PLCL1: variants seen among roughly 807,000 people sequenced by gnomAD.
The protein encoded by PLCL1 is phospholipase C like 1 (inactive), also known as inactive phospholipase C-like protein 1.
PLCL1 carries 41 observed loss-of-function variants against 84.4 expected under a neutral mutation model. That is an observed-to-expected ratio of 0.49 (90% CI 0.38 to 0.63). PLCL1 has a LOEUF of 0.63. PLCL1 is among the 30% of genes least tolerant of loss of function. The probability of loss-of-function intolerance (pLI) is 0.00; values close to 1 mark genes in which losing one functional copy is unlikely to be tolerated. For synonymous variants in PLCL1, 490 were observed against 488.3 expected, an observed-to-expected ratio of 1.00 and a Z score of -0.05; for missense variants, 1,206 against 1,367.8, an observed-to-expected ratio of 0.88 and a Z score of 1.87.
At chr2:198,106,948 T>G (rs894360881) in intron 5 of PLCL1, among the ~76,000 whole-genome samples, 1 of 152,016 alleles carries the variant, frequency 6.6e-6, no homozygotes, top group South Asian at 2.1e-4. Flanking sequence ...TCCACTACAC[T>G]GTTCTGCCTC....
chr2:198,015,808 C>T lies in PLCL1; in HGVS notation c.241-67950C>T, dbSNP rs189674595. Among the ~76,000 whole-genome samples, 6 of 152,078 alleles carry T rather than the reference C, an allele frequency of 3.9e-5. No individual in the cohort carries two copies. The East Asian group carries it at 9.7e-4, about 24-fold the overall frequency. ...ATATGTGTGATAAATGAAGTTGTTG[C>T]AGTATGTTTAAAACACTGGAGCCAA... On this transcript the variant is annotated intron_variant, in intron 1 of 5. Transcript: ENST00000428675.
chr2:198,028,155 A>C (rs1574257427), intron 1 of PLCL1, among the ~76,000 whole-genome samples: 1 of 152,164 alleles, frequency 6.6e-6, no homozygotes, highest in Non-Finnish European at 1.5e-5. Context: ...ACTTTGAATC[A>C]TTTTTACAGC....
chr2:197,954,247 G>A (rs930806925), intron 1 of PLCL1, among the ~76,000 whole-genome samples: 7 of 152,092 alleles, frequency 4.6e-5, no homozygotes, highest in South Asian at 2.1e-4. Context: ...GAAGTGAAAC[G>A]AAATGCAAGT....
chr2:198,054,340 T>G (rs1238521733), intron 1 of PLCL1, among the ~76,000 whole-genome samples: 1 of 152,228 alleles, frequency 6.6e-6, no homozygotes, highest in Non-Finnish European at 1.5e-5. Context: ...AACAGACATA[T>G]GCAGAATACT....
intron 1 of PLCL1, among the ~76,000 whole-genome samples, chr2:197,924,169 G>T (rs1026463857): frequency 5.4e-5 from 8 of 149,020 alleles, no homozygotes. Context: ...GAGGGAGAGG[G>T]AGAGGGAGAG....
At chr2:197,824,386 G>A (rs755948012) in intron 1 of PLCL1, among the ~76,000 whole-genome samples, 28 of 151,130 alleles carry the variant, frequency 1.9e-4, no homozygotes, top group Non-Finnish European at 3.7e-4. Context: ...CTGGAATTAT[G>A]GCCATTTTGG....
chr2:197,855,849 A>T (rs768031694), intron 1 of PLCL1, among the ~76,000 whole-genome samples: 1 of 152,118 alleles, frequency 6.6e-6, no homozygotes, highest in Non-Finnish European at 1.5e-5. Context: ...CTATGCTTTT[A>T]ATTCACTACA....
intron 5 of PLCL1, among the ~76,000 whole-genome samples, chr2:198,123,690 A>G (rs967991093): frequency 6.6e-6 from 1 of 152,102 alleles, no homozygotes; most frequent in African/African-American, 2.4e-5. Flanking sequence ...GTAACCTGTT[A>G]GGAACCAGAC....
chr2:198,148,104 T>A lies in PLCL1; in HGVS notation c.*1142T>A. ...TAATTAGGGTACATTTATAATTGCATCTAGGTAATTTTTACCCTAATGTCT... is the reference window on the plus strand; with the variant it reads ...TAATTAGGGTACATTTATAATTGCAACTAGGTAATTTTTACCCTAATGTCT... On this transcript the variant is annotated 3_prime_UTR_variant, in exon 6 of 6. Transcript: ENST00000428675. The A allele has an allele frequency of 6.6e-6, 1 of 152,320 alleles. No individual in the cohort carries two copies. Among genetic ancestry groups the A allele is most frequent in the East Asian group, 1.9e-4 (1 of 5,332 alleles). The allele number at this position is 152,320 out of a possible 1,614,324, so 9.4% of individuals were successfully genotyped here.
chr2:198,055,037 G>C (rs1394355340), intron 1 of PLCL1, among the ~76,000 whole-genome samples: 1 of 152,050 alleles, frequency 6.6e-6, no homozygotes, highest in Non-Finnish European at 1.5e-5. Context: ...TATAGTATAT[G>C]TGTGTTGGGA....
intron 1 of PLCL1, among the ~76,000 whole-genome samples, chr2:197,967,287 C>T (rs1196736900): frequency 6.6e-6 from 1 of 152,196 alleles, no homozygotes; most frequent in Non-Finnish European, 1.5e-5. Context: ...ACCTCCGCCT[C>T]TCAGGTTCAA....
intron 5 of PLCL1, among the ~76,000 whole-genome samples, chr2:198,106,273 G>C (rs1384523524): frequency 1.3e-5 from 2 of 151,954 alleles, no homozygotes; most frequent in Non-Finnish European, 2.9e-5. Flanking sequence ...TTATGTGAAA[G>C]TGTTAGGTTA....
chr2:198,124,251 G>A (rs961277218), intron 5 of PLCL1, among the ~76,000 whole-genome samples: 14 of 152,000 alleles, frequency 9.2e-5, no homozygotes, highest in East Asian at 5.8e-4. Flanking sequence ...CTAGCTTATC[G>A]CTCAACAAAT....
At chr2:197,908,196 G>A (rs373884111) in intron 1 of PLCL1, among the ~76,000 whole-genome samples, 34 of 152,318 alleles carry the variant, frequency 2.2e-4, no homozygotes, top group African/African-American at 8.2e-4. Context: ...TTTTGAACGA[G>A]AGAATTTGAG....
intron 1 of PLCL1, among the ~76,000 whole-genome samples, chr2:197,990,114 C>T (rs62277898): frequency 8.8e-4 from 134 of 152,258 alleles, no homozygotes; most frequent in Non-Finnish European, 1.5e-3. Flanking sequence ...TGCTCAATTA[C>T]CTTATTTTGA....
intron 5 of PLCL1, among the ~76,000 whole-genome samples, chr2:198,132,841 CA>C (rs1265094271): frequency 6.6e-6 from 1 of 151,896 alleles, no homozygotes; most frequent in African/African-American, 2.4e-5. Context: ...AATTAGACCC[CA>C]TTTGTCAATT....
chr2:198,033,434 G>C (rs1691478483), intron 1 of PLCL1, among the ~76,000 whole-genome samples: 1 of 152,132 alleles, frequency 6.6e-6, no homozygotes, highest in Admixed American at 6.6e-5. Flanking sequence ...TCCATGTGAG[G>C]GTACCATGAA....
At chr2:198,093,205 G>A (rs1693093899) in intron 3 of PLCL1, among the ~76,000 whole-genome samples, 1 of 152,192 alleles carries the variant, frequency 6.6e-6, no homozygotes, top group Non-Finnish European at 1.5e-5. Flanking sequence ...GTATGAAACT[G>A]TAATGGCAGA....
intron 1 of PLCL1, among the ~76,000 whole-genome samples, chr2:197,927,599 A>AAATT (rs1293534045): frequency 6.6e-6 from 1 of 152,176 alleles, no homozygotes; most frequent in Admixed American, 6.5e-5. Context: ...ACATAAGCCA[A>AAATT]CTCACAGGGC....
Sources: allele counts gnomAD v4.1 joint callset (sites outside exome capture counted in the v4.1 genomes callset), GRCh38; gene constraint gnomAD v4.1.1; transcripts MANE v1.5; gene names NCBI Gene and HGNC (gene_info 2026-07-23, HGNC 2026-07-21).